Variants in EFCAB11 observed in about 807,000 individuals in gnomAD.
EFCAB11 encodes the protein EF-hand calcium binding domain 11.
A neutral mutation model predicts 23.0 loss-of-function variants in EFCAB11; 14 were observed. The observed-to-expected ratio is 0.61, with a 90% CI of 0.40 to 0.95. EFCAB11 has a LOEUF of 0.95. EFCAB11 is among the 40% of genes least tolerant of loss of function. The pLI, the probability that EFCAB11 is intolerant of heterozygous loss-of-function variation, is 0.00. For missense variants in EFCAB11, 198 were observed against 195.8 expected, an observed-to-expected ratio of 1.01 and a Z score of -0.07; for synonymous variants, 65 against 66.6, an observed-to-expected ratio of 0.98 and a Z score of 0.11.
At chr14:89,869,007 G>C (rs1378430911) in intron 5 of EFCAB11, among the ~76,000 whole-genome samples, 3 of 151,874 alleles carry the variant, frequency 2.0e-5, no homozygotes, top group African/African-American at 7.3e-5. Context: ...TTTGAGACCA[G>C]CCTGGGTAAC....
chr14:89,866,482 C>T (rs1306781818), intron 5 of EFCAB11, among the ~76,000 whole-genome samples: 2 of 152,238 alleles, frequency 1.3e-5, no homozygotes, highest in African/African-American at 2.4e-5. Flanking sequence ...CAAGGGCCCC[C>T]TCCAGCACCT....
chr14:89,873,865 T>C lies in EFCAB11; in HGVS notation c.410+57676A>G, dbSNP rs570964699. Reference sequence around the variant, plus strand: ...TCCTGGCTGCTTTCACAGGATGGCATTGAGTGTTTGTGGCTTTTCCAGGTA... The same window carrying C: ...TCCTGGCTGCTTTCACAGGATGGCACTGAGTGTTTGTGGCTTTTCCAGGTA... On this transcript the variant is annotated intron_variant, in intron 5 of 5. Coordinates refer to ENST00000316738, the MANE Select transcript of EFCAB11 (RefSeq NM_145231.4). Among the ~76,000 whole-genome samples the C allele has an allele frequency of 3.2e-4, 48 of 152,292 alleles. 1 individual carries two copies. Among genetic ancestry groups the C allele is most frequent in the African/African-American group, 2.2e-4 (9 of 41,554 alleles).
intron 5 of EFCAB11, among the ~76,000 whole-genome samples, chr14:89,812,295 A>C (rs1238853615): frequency 1.3e-5 from 2 of 152,260 alleles, no homozygotes; most frequent in Non-Finnish European, 2.9e-5. Context: ...CCTTCGAGAC[A>C]TATAAAAGGA....
chr14:89,853,837 G>T (rs1315711219), intron 5 of EFCAB11, among the ~76,000 whole-genome samples: 1 of 152,042 alleles, frequency 6.6e-6, no homozygotes, highest in Non-Finnish European at 1.5e-5. Context: ...GAATGATTTT[G>T]GATAATTAAA....
intron 5 of EFCAB11, among the ~76,000 whole-genome samples, chr14:89,835,114 T>C (rs1372622255): frequency 1.3e-5 from 2 of 152,074 alleles, no homozygotes; most frequent in Non-Finnish European, 2.9e-5. Flanking sequence ...TTGCTGAGAG[T>C]GACAGGGAAA....
At chr14:89,949,553 A>C (rs1891093430) in intron 3 of EFCAB11, among the ~76,000 whole-genome samples, 1 of 151,616 alleles carries the variant, frequency 6.6e-6, no homozygotes, top group East Asian at 1.9e-4. Context: ...TTTAGTAGAG[A>C]CGGTGTTTCA....
intron 5 of EFCAB11, among the ~76,000 whole-genome samples, chr14:89,812,972 T>A (rs574059110): frequency 1.1e-4 from 17 of 152,222 alleles, no homozygotes; most frequent in Admixed American, 9.2e-4. Context: ...AAAACAGTTG[T>A]AATAAAAATA....
intron 5 of EFCAB11, among the ~76,000 whole-genome samples, chr14:89,907,918 C>T (rs562525049): frequency 2.1e-4 from 32 of 152,266 alleles, no homozygotes; most frequent in South Asian, 6.2e-4. Context: ...CTCATGGGGT[C>T]GTTGTGCGGA....
intron 5 of EFCAB11, chr14:89,924,036 T>C (rs182940168): frequency 2.5e-5 from 25 of 985,576 alleles, no homozygotes; most frequent in Non-Finnish European, 3.0e-5. Flanking sequence ...ACCCCTATAA[T>C]GGCTGTGATA....
intron 5 of EFCAB11, among the ~76,000 whole-genome samples, chr14:89,881,561 C>T (rs1888604410): frequency 6.8e-6 from 1 of 147,574 alleles, no homozygotes; most frequent in South Asian, 2.2e-4. Context: ...GATTCTCCTG[C>T]CTCAGCCTCC....
chr14:89,923,110 A>G (rs559194912), intron 5 of EFCAB11, among the ~76,000 whole-genome samples: 2 of 152,324 alleles, frequency 1.3e-5, no homozygotes, highest in African/African-American at 2.4e-5. Flanking sequence ...TTGAAAATCT[A>G]TGTAACAAAG....
chr14:89,834,136 C>T (rs1886976676), intron 5 of EFCAB11, among the ~76,000 whole-genome samples: 1 of 151,986 alleles, frequency 6.6e-6, no homozygotes, highest in Admixed American at 6.6e-5. Context: ...GGGCCTATCA[C>T]GAGGTCAGGA....
intron 5 of EFCAB11, among the ~76,000 whole-genome samples, chr14:89,859,812 C>T (rs1415015875): frequency 1.3e-5 from 2 of 152,154 alleles, no homozygotes; most frequent in African/African-American, 2.4e-5. Flanking sequence ...ACTCTGATCA[C>T]GTCTGCAAAT....
At chr14:89,817,970 G>C (rs575515229) in intron 5 of EFCAB11, among the ~76,000 whole-genome samples, 2 of 151,284 alleles carry the variant, frequency 1.3e-5, no homozygotes, top group East Asian at 3.9e-4. Flanking sequence ...CTCCAGCCTG[G>C]GTGACAGAGT....
chr14:89,910,218 G>A (rs910087191), intron 5 of EFCAB11, among the ~76,000 whole-genome samples: 10 of 152,180 alleles, frequency 6.6e-5, no homozygotes, highest in African/African-American at 2.4e-4. Context: ...AGTGATTAGG[G>A]GACAAAGAGA....
chr14:89,811,768 G>A (rs1886158259), intron 5 of EFCAB11, among the ~76,000 whole-genome samples: 1 of 152,130 alleles, frequency 6.6e-6, no homozygotes, highest in Non-Finnish European at 1.5e-5. Context: ...GCCCAATGAT[G>A]GCCATTTTGG....
chr14:89,929,539 C>A (rs1890317010), intron 5 of EFCAB11, among the ~76,000 whole-genome samples: 1 of 152,126 alleles, frequency 6.6e-6, no homozygotes, highest in Non-Finnish European at 1.5e-5. Flanking sequence ...GCGCATGCCA[C>A]CATGCCCAGC....
rs67831579 is a variant in EFCAB11 at position 89,835,585 on chromosome 14, C to CGTGTGTGTGTGTGTGTGT, written c.411-38279_411-38262dup. Among the ~76,000 whole-genome samples, 241 of 93,384 alleles carry CGTGTGTGTGTGTGTGTGT rather than the reference C, an allele frequency of 2.6e-3. 4 individuals are homozygous for CGTGTGTGTGTGTGTGTGT. Among genetic ancestry groups the CGTGTGTGTGTGTGTGTGT allele is most frequent in the Middle Eastern group, 7.2e-3 (1 of 138 alleles). 61.3% of individuals were successfully genotyped at this position (93,384 alleles called of 152,430 possible). A position where few individuals can be genotyped will look rare whatever the true frequency, so the allele number is the denominator to read the frequency against. ...TGGATTTCAGATTAGGGATGCTCAACGTGTGTGTGTGTGTGTGTGTGTGTG... is the reference window on the plus strand; with the variant it reads ...TGGATTTCAGATTAGGGATGCTCAACGTGTGTGTGTGTGTGTGTGTGTGTGTGTGTGTGTGTGTGTGTG... On this transcript the variant is annotated intron_variant, in intron 5 of 5. Coordinates refer to ENST00000316738, the MANE Select transcript of EFCAB11 (RefSeq NM_145231.4).
intron 3 of EFCAB11, among the ~76,000 whole-genome samples, chr14:89,947,268 T>C (rs1891017075): frequency 6.6e-6 from 1 of 152,120 alleles, no homozygotes; most frequent in African/African-American, 2.4e-5. Flanking sequence ...AAAAAGCCAA[T>C]CTAACATGCT....
Sources: gnomAD v4.1 joint callset for allele counts (sites outside exome capture counted in the v4.1 genomes callset) on GRCh38, gnomAD v4.1.1 for gene constraint, MANE v1.5 for transcripts, NCBI Gene and HGNC (gene_info 2026-07-23, HGNC 2026-07-21) for gene names.